CALCR: variants seen among roughly 807,000 people sequenced by gnomAD.
CALCR encodes the protein calcitonin receptor.
CALCR carries 47 observed loss-of-function variants against 59.5 expected under a neutral mutation model. The ratio of observed to expected loss-of-function variants is 0.79; its 90% CI spans 0.63 to 1.01. CALCR has a LOEUF of 1.01. Among genes scored for constraint, CALCR ranks in the 50% least tolerant of loss-of-function variants. The pLI is 0.00. For synonymous variants in CALCR, 213 were observed against 211.3 expected (o/e 1.01, Z -0.07); for missense variants, 566 against 597.1 (o/e 0.95, Z 0.54).
chr7:93,536,513 T>A (rs1474581524), intron 2 of CALCR, among the ~76,000 whole-genome samples: 3 of 151,070 alleles, frequency 2.0e-5, no homozygotes, highest in Non-Finnish European at 4.4e-5. Context: ...TCTTTTTCTT[T>A]TCCCCCAAGA....
intron 2 of CALCR, among the ~76,000 whole-genome samples, chr7:93,560,203 C>T (rs2116262629): frequency 6.6e-6 from 1 of 152,202 alleles, no homozygotes. Flanking sequence ...AAGACAGAAA[C>T]TCTTTATTCT....
At chr7:93,454,942 G>A (rs1487165106) in intron 8 of CALCR, among the ~76,000 whole-genome samples, 1 of 151,754 alleles carries the variant, frequency 6.6e-6, no homozygotes, top group East Asian at 1.9e-4. Flanking sequence ...GTGTGTGTGT[G>A]TGTGTGTGTG....
chr7:93,527,947 AAAATTTAATTGG>A (rs1217633386), intron 2 of CALCR, among the ~76,000 whole-genome samples: 16 of 152,168 alleles, frequency 1.1e-4, no homozygotes, highest in Admixed American at 1.0e-3. Context: ...TTTGCCTCAA[AAAATTTAATTGG>A]TAAGTATATT....
intron 2 of CALCR, among the ~76,000 whole-genome samples, chr7:93,561,517 A>G (rs1789747739): frequency 6.6e-6 from 1 of 152,132 alleles, no homozygotes; most frequent in Non-Finnish European, 1.5e-5. Flanking sequence ...ACATAGGGTT[A>G]AGAAATTTAT....
intron 2 of CALCR, among the ~76,000 whole-genome samples, chr7:93,506,110 C>A (rs1022367849): frequency 9.9e-5 from 15 of 152,142 alleles, no homozygotes; most frequent in Non-Finnish European, 2.2e-4. Context: ...CTTTCTTTTG[C>A]CTATTAAACT....
chr7:93,497,276 A>T lies in CALCR; in HGVS notation c.-26-10269T>A, dbSNP rs766714547. Among the ~76,000 whole-genome samples the T allele has an allele frequency of 3.3e-5, 5 of 151,638 alleles. No individual in the cohort carries two copies. In the Admixed American group the frequency reaches 3.3e-4, roughly 10 times the overall value. ...TGACTCAGCTATGTATTTTTACATC[A>T]TCATGCTAACTTAGCTCTTATTGAG... On this transcript the variant is annotated intron_variant, in intron 2 of 13. Coordinates refer to ENST00000426151, the MANE Select transcript of CALCR (RefSeq NM_001742.4).
chr7:93,506,069 C>T (rs1035581045), intron 2 of CALCR, among the ~76,000 whole-genome samples: 2 of 152,238 alleles, frequency 1.3e-5, no homozygotes, highest in African/African-American at 2.4e-5. Flanking sequence ...AGGTGTCCCT[C>T]TCTCTCAAAA....
At chr7:93,541,216 C>T (rs970874454) in intron 2 of CALCR, among the ~76,000 whole-genome samples, 2 of 152,138 alleles carry the variant, frequency 1.3e-5, no homozygotes, top group Non-Finnish European at 2.9e-5. Context: ...ACTGTGTCGC[C>T]AGGCTGGAGT....
chr7:93,479,413 A>G lies in CALCR; in HGVS notation c.146T>C (p.Met49Thr), dbSNP rs759726046. 6.2e-6 allele frequency: 10 copies of G among 1,612,652 alleles called. No homozygotes were observed. The African/African-American group carries it at 1.2e-4, about 19-fold the overall frequency. Reference protein sequence around the residue: ...FLYVVGRKKMMDAQYKCYDRM... With the variant: ...FLYVVGRKKMTDAQYKCYDRM... The stretch of plus-strand genomic sequence containing the variant: ...GTCATAGCATTTGTACTGTGCATCC[A>G]TCATCTTCTTTCGTCCTACGACGTA... The change falls in exon 4 of 14, where the codon ATG (methionine) becomes ACG (threonine). Residue 49 changes from methionine to threonine, a missense_variant. By Grantham distance (81) the Met-to-Thr change is moderately conservative. Transcript: ENST00000426151.
intron 5 of CALCR, among the ~76,000 whole-genome samples, chr7:93,473,307 C>T (rs893655513): frequency 1.3e-5 from 2 of 151,758 alleles, no homozygotes; most frequent in Non-Finnish European, 2.9e-5. Context: ...GAATATTGTT[C>T]TTCCCATTTT....
At chr7:93,477,509 ACT>A in intron 5 of CALCR, 47 bp downstream of exon 5, 1 of 1,299,834 alleles carries the variant, frequency 7.7e-7, no homozygotes, top group Non-Finnish European at 1.1e-6. Flanking sequence ...AACCATGAAA[ACT>A]CTAAAAGCTT....
intron 6 of CALCR, among the ~76,000 whole-genome samples, chr7:93,469,223 C>T (rs1056862491): frequency 2.6e-5 from 4 of 151,622 alleles, no homozygotes; most frequent in Admixed American, 2.6e-4. Flanking sequence ...ACAGAGGGTC[C>T]AGAGAGTATG....
intron 4 of CALCR, among the ~76,000 whole-genome samples, chr7:93,478,636 AATATATATAT>A (rs10543619): frequency 5.4e-5 from 8 of 147,458 alleles, no homozygotes; most frequent in African/African-American, 7.4e-5. Flanking sequence ...CCCTGTCTTA[AATATATATAT>A]ATATATATAT....
At chr7:93,477,296 TCA>T (rs1335723387) in intron 5 of CALCR, among the ~76,000 whole-genome samples, 1 of 151,746 alleles carries the variant, frequency 6.6e-6, no homozygotes, top group Non-Finnish European at 1.5e-5. Flanking sequence ...ATAAAACTAT[TCA>T]CAGAGTTTTA....
chr7:93,557,672 C>A lies in CALCR; in HGVS notation c.-27+16617G>T, dbSNP rs536030468. ...TTTTGTGTTATGTTTATGATTATAA[C>A]ACCTAGATTATAACAAATGTATCAT... On this transcript the variant is annotated intron_variant, in intron 2 of 13. Transcript: ENST00000426151. Among the ~76,000 whole-genome samples the A allele has an allele frequency of 7.2e-5, 11 of 151,970 alleles. No individual in the cohort carries two copies. The South Asian group carries it at 2.3e-3, about 32-fold the overall frequency.
chr7:93,477,629 C>A lies in CALCR; in HGVS notation c.245G>T (p.Trp82Leu). The change falls in exon 5 of 14, where the codon TGG (tryptophan) becomes TTG (leucine). Residue 82 changes from tryptophan to leucine, a missense_variant. Coordinates refer to ENST00000426151, the MANE Select transcript of CALCR (RefSeq NM_001742.4). ...CNRTWDGWLCWDDTPAGVLSY... is the reference protein window; with the variant it reads ...CNRTWDGWLCLDDTPAGVLSY... ...CAATACTCCAGCCGGTGTGTCATCCCAGCACAGCCATCCATCCCAGGTGCG... is the reference window on the plus strand; with the variant it reads ...CAATACTCCAGCCGGTGTGTCATCCAAGCACAGCCATCCATCCCAGGTGCG... The A allele has an allele frequency of 6.2e-7, 1 of 1,611,392 alleles. No homozygotes were observed. The highest frequency in any genetic ancestry group is 8.5e-7 in the Non-Finnish European group (1 of 1,178,384).
chr7:93,555,662 C>G (rs980158750), intron 2 of CALCR, among the ~76,000 whole-genome samples: 2 of 143,020 alleles, frequency 1.4e-5, no homozygotes, highest in Non-Finnish European at 3.2e-5. Context: ...TTTATTGGTA[C>G]AGTCCAGTAA....
Position 93,465,014 on chromosome 7 carries a change from G to A in CALCR, c.521+3701C>T, listed in dbSNP as rs575903982. ...TTTTTGTCAATGTGGCCAATGTAAC[G>A]TAATGTAGACAATAAAATGAAGAGA... On this transcript the variant is annotated intron_variant, in intron 7 of 13. Coordinates refer to ENST00000426151, the MANE Select transcript of CALCR (RefSeq NM_001742.4). Among the ~76,000 whole-genome samples the A allele has an allele frequency of 3.3e-5, 5 of 151,998 alleles. No individual in the cohort carries two copies. The South Asian group carries it at 8.3e-4, about 25-fold the overall frequency.
At chr7:93,523,081 T>G (rs1436284699) in intron 2 of CALCR, among the ~76,000 whole-genome samples, 2 of 152,224 alleles carry the variant, frequency 1.3e-5, no homozygotes. Context: ...AATTAAAATT[T>G]ATTTGTTAAA....
Sources: gnomAD v4.1 joint callset for allele counts (sites outside exome capture counted in the v4.1 genomes callset) on GRCh38, gnomAD v4.1.1 for gene constraint, MANE v1.5 for transcripts, NCBI Gene and HGNC (gene_info 2026-07-23, HGNC 2026-07-21) for gene names.